The following DOCK1 variants were observed in gnomAD, a reference collection of about 807,000 sequenced individuals.
The protein encoded by DOCK1 is dedicator of cytokinesis protein 1.
A neutral mutation model predicts 262.7 loss-of-function variants in DOCK1; 138 were observed. The ratio of observed to expected loss-of-function variants is 0.53; its 90% CI spans 0.46 to 0.61. The LOEUF (loss-of-function observed/expected upper bound fraction) is 0.61. Ranked by LOEUF, DOCK1 falls within the 20% of genes least tolerant of loss-of-function variation. The pLI is 0.00. For missense variants in DOCK1, 1,908 were observed against 2,370.7 expected, an observed-to-expected ratio of 0.80 and a Z score of 4.05; for synonymous variants, 866 against 867.4, an observed-to-expected ratio of 1.00 and a Z score of 0.03.
chr10:127,387,158 G>T (rs1365552333), intron 38 of DOCK1, among the ~76,000 whole-genome samples: 1 of 152,182 alleles, frequency 6.6e-6, no homozygotes, highest in African/African-American at 2.4e-5. Context: ...CTTTGTGGCA[G>T]CACATCCTCT....
At chr10:127,402,440 T>C (rs1477834544) in intron 38 of DOCK1, among the ~76,000 whole-genome samples, 1 of 152,238 alleles carries the variant, frequency 6.6e-6, no homozygotes, top group Non-Finnish European at 1.5e-5. Flanking sequence ...ATCAACATTT[T>C]AATCACTTAT....
chr10:127,248,001 T>G lies in DOCK1; in HGVS notation c.2848-7T>G. 8 of 1,613,474 alleles carry G rather than the reference T, an allele frequency of 5.0e-6. No individual in the cohort carries two copies. Among genetic ancestry groups the G allele is most frequent in the Non-Finnish European group, 6.8e-6 (8 of 1,179,546 alleles). On this transcript the variant is annotated splice_polypyrimidine_tract_variant and splice_region_variant and intron_variant, in intron 27 of 51. Coordinates refer to ENST00000623213, the MANE Select transcript of DOCK1 (RefSeq NM_001290223.2). ...TCATCTAATTCTATCTTTTGATTCA[T>G]TTACAGGGAAACTTCGTGGCTTGCA...
At chr10:127,183,707 G>A (rs938551579) in intron 27 of DOCK1, among the ~76,000 whole-genome samples, 2 of 152,258 alleles carry the variant, frequency 1.3e-5, no homozygotes, top group Non-Finnish European at 2.9e-5. Flanking sequence ...TGCACAGAGC[G>A]AAATTTTAGC....
intron 38 of DOCK1, among the ~76,000 whole-genome samples, chr10:127,401,801 C>G (rs983303958): frequency 3.9e-5 from 6 of 152,216 alleles, no homozygotes; most frequent in African/African-American, 1.2e-4. Flanking sequence ...TCTCCTGCCC[C>G]GCTCATGCCT....
intron 29 of DOCK1, among the ~76,000 whole-genome samples, chr10:127,330,388 C>T (rs149373335): frequency 4.2e-4 from 63 of 150,856 alleles, no homozygotes; most frequent in African/African-American, 1.3e-3. Flanking sequence ...CACCTCACAC[C>T]GATTAGGATG....
chr10:127,080,363 T>C (rs912202968), intron 23 of DOCK1, among the ~76,000 whole-genome samples: 1 of 152,178 alleles, frequency 6.6e-6, no homozygotes, highest in African/African-American at 2.4e-5. Context: ...GCATTTCATC[T>C]TTTGGAAATT....
chr10:127,152,154 C>G (rs1033953921), intron 27 of DOCK1, among the ~76,000 whole-genome samples: 2 of 152,142 alleles, frequency 1.3e-5, no homozygotes, highest in Non-Finnish European at 2.9e-5. Flanking sequence ...AGCTTCCAAA[C>G]TAACAGAAGC....
chr10:127,113,825 G>T (rs938160703), intron 25 of DOCK1, among the ~76,000 whole-genome samples: 2 of 152,112 alleles, frequency 1.3e-5, no homozygotes, highest in African/African-American at 2.4e-5. Flanking sequence ...CTGCCCTTCT[G>T]TTCTATCCAG....
intron 27 of DOCK1, among the ~76,000 whole-genome samples, chr10:127,184,003 A>G (rs1414318463): frequency 6.6e-6 from 1 of 152,104 alleles, no homozygotes; most frequent in East Asian, 1.9e-4. Flanking sequence ...TCGAAGGTTT[A>G]TCTCTTTGTG....
chr10:127,077,532 C>A (rs75434094), intron 23 of DOCK1, among the ~76,000 whole-genome samples: 2 of 152,162 alleles, frequency 1.3e-5, no homozygotes, highest in East Asian at 1.9e-4. Context: ...AATATACGTG[C>A]GCTTTTCACA....
At chr10:127,442,181 G>A (rs1461522189) in intron 49 of DOCK1, among the ~76,000 whole-genome samples, 4 of 152,094 alleles carry the variant, frequency 2.6e-5, no homozygotes, top group African/African-American at 9.7e-5. Flanking sequence ...TTACCAGAGG[G>A]CCTGAATCTT....
intron 27 of DOCK1, among the ~76,000 whole-genome samples, chr10:127,197,340 A>G (rs929529861): frequency 6.6e-6 from 1 of 152,130 alleles, no homozygotes; most frequent in Non-Finnish European, 1.5e-5. Context: ...GGGAGAGGAA[A>G]AGACCTAGGA....
At chr10:127,266,908 C>T (rs1050463941) in intron 29 of DOCK1, among the ~76,000 whole-genome samples, 1 of 152,170 alleles carries the variant, frequency 6.6e-6, no homozygotes, top group Non-Finnish European at 1.5e-5. Flanking sequence ...CACAGTTCTC[C>T]TTCCTAGGCT....
intron 43 of DOCK1, among the ~76,000 whole-genome samples, chr10:127,412,784 G>T (rs1360958453): frequency 6.6e-6 from 1 of 152,234 alleles, no homozygotes; most frequent in East Asian, 1.9e-4. Context: ...CCATGGGGAA[G>T]TTCCTTCCAG....
At chr10:127,147,693 A>G (rs1412653552) in intron 27 of DOCK1, among the ~76,000 whole-genome samples, 1 of 151,996 alleles carries the variant, frequency 6.6e-6, no homozygotes, top group Non-Finnish European at 1.5e-5. Context: ...TAGGACCCCA[A>G]ATGGAAAGGG....
intron 31 of DOCK1, among the ~76,000 whole-genome samples, chr10:127,353,426 G>T (rs989869702): frequency 6.6e-6 from 1 of 152,156 alleles, no homozygotes; most frequent in Admixed American, 6.5e-5. Context: ...TATGCAGGGC[G>T]CTTTCCTCTC....
At chr10:127,413,265 T>C (rs138459349) in intron 43 of DOCK1, among the ~76,000 whole-genome samples, 1 of 152,354 alleles carries the variant, frequency 6.6e-6, no homozygotes, top group African/African-American at 2.4e-5. Context: ...ACGAAGGCTC[T>C]TGACATTTTG....
chr10:127,024,644 CTATGAGGT>C, intron 14 of DOCK1, 33 bp from the exon 15 acceptor site: 1 of 1,549,658 alleles, frequency 6.5e-7, no homozygotes, highest in Non-Finnish European at 8.8e-7. Context: ...GTGTCAAGCT[CTATGAGGT>C]CTTACGTGAG....
At position 127,380,011 on chromosome 10, in the gene DOCK1, A is replaced by G. The variant is rs2065739285; in HGVS notation, c.3676-71A>G. 4 of 1,084,496 alleles carry G rather than the reference A, an allele frequency of 3.7e-6. No individual in the cohort carries two copies. The Admixed American group carries it at 6.2e-5, about 17-fold the overall frequency. The allele number at this position is 1,084,496 out of a possible 1,614,324, so 67.2% of individuals were successfully genotyped here. On this transcript the variant is annotated intron_variant, in intron 35 of 51. Coordinates refer to ENST00000623213, the MANE Select transcript of DOCK1 (RefSeq NM_001290223.2). Reference sequence around the variant, plus strand: ...TTTGACACAAGATGAAGTATCTTGAATTTTTATTGTGCATGTGATACCTTT... The same window carrying G: ...TTTGACACAAGATGAAGTATCTTGAGTTTTTATTGTGCATGTGATACCTTT...
Sources: gnomAD v4.1 joint callset for allele counts (sites outside exome capture counted in the v4.1 genomes callset) on GRCh38, gnomAD v4.1.1 for gene constraint, MANE v1.5 for transcripts, NCBI Gene and HGNC (gene_info 2026-07-23, HGNC 2026-07-21) for gene names.